The following RGS8 variants were observed in gnomAD, a reference collection of about 807,000 sequenced individuals.
RGS8 encodes regulator of G-protein signaling 8.
In RGS8, 8 loss-of-function variants were observed where a neutral mutation model predicts 21.7. That is an observed-to-expected ratio of 0.37 (90% confidence interval 0.22 to 0.66). The LOEUF (loss-of-function observed/expected upper bound fraction) is 0.66, where lower values mean the gene tolerates loss of function less well. Among genes scored for constraint, RGS8 ranks in the 30% least tolerant of loss-of-function variants. The pLI is 0.59. For missense variants in RGS8, 157 were observed against 217.9 expected (o/e 0.72, Z 1.76); for synonymous variants, 80 against 83.6 (o/e 0.96, Z 0.24).
At chr1:182,683,627 C>CAAA (rs397863359) in intron 1 of RGS8, among the ~76,000 whole-genome samples, 15 of 60,646 alleles carry the variant, frequency 2.5e-4, no homozygotes, top group East Asian at 1.2e-3. Flanking sequence ...TCCCAGTGCT[C>CAAA]AAAAAAAAAA....
At chr1:182,721,027 G>A in the RGS8 span, among the ~76,000 whole-genome samples, 31 of 82,052 alleles carry the variant, frequency 3.8e-4, 1 homozygote, top group East Asian at 1.1e-3. Context: ...ACATATATAT[G>A]TGTGTATATA....
upstream of RGS8, among the ~76,000 whole-genome samples, chr1:182,687,763 TAAG>T (rs1664739716): frequency 6.6e-6 from 1 of 152,214 alleles, no homozygotes; most frequent in Admixed American, 6.5e-5. Flanking sequence ...TAAATTGAAT[TAAG>T]AAGTTTGGCT....
chr1:182,710,685 G>A, the RGS8 span, among the ~76,000 whole-genome samples: 1 of 152,252 alleles, frequency 6.6e-6, no homozygotes, highest in East Asian at 1.9e-4. Flanking sequence ...CTTTAAATCT[G>A]CTGTTACCAC....
chr1:182,718,880 C>T, the RGS8 span, among the ~76,000 whole-genome samples: 10 of 152,176 alleles, frequency 6.6e-5, no homozygotes, highest in Non-Finnish European at 1.5e-4. Context: ...ACAAGTTAGA[C>T]AAACATATGT....
At chr1:182,707,387 T>G in the RGS8 span, among the ~76,000 whole-genome samples, 7 of 152,310 alleles carry the variant, frequency 4.6e-5, no homozygotes, top group African/African-American at 1.7e-4. Context: ...CTAAGAACAT[T>G]GGCCATTTGA....
upstream of RGS8, chr1:182,672,033 T>A: frequency 1.5e-6 from 1 of 653,364 alleles, no homozygotes. Context: ...TCAGCCTCAC[T>A]AACCTGAAGC....
the RGS8 span, among the ~76,000 whole-genome samples, chr1:182,719,139 C>T: frequency 6.6e-6 from 1 of 152,190 alleles, no homozygotes; most frequent in Non-Finnish European, 1.5e-5. Flanking sequence ...ATTCGGCCTT[C>T]TTAGTCCCAT....
At chr1:182,711,762 T>C in the RGS8 span, among the ~76,000 whole-genome samples, 2 of 152,174 alleles carry the variant, frequency 1.3e-5, no homozygotes, top group Admixed American at 6.5e-5. Context: ...AGATACTGGC[T>C]AAGTTCCAAA....
chr1:182,672,834 C>T (rs371027587), upstream of RGS8: 3 of 1,614,052 alleles, frequency 1.9e-6, no homozygotes, highest in African/African-American at 2.7e-5. Context: ...TGGGTCTTCA[C>T]ACTGCCTGCT....
chr1:182,741,884 C>T, the RGS8 span, among the ~76,000 whole-genome samples: 3 of 139,448 alleles, frequency 2.2e-5, no homozygotes, highest in African/African-American at 7.9e-5. Flanking sequence ...GGGGGGCTGA[C>T]CCCCCCACCT....
chr1:182,742,061 A>G, the RGS8 span, among the ~76,000 whole-genome samples: 4 of 145,208 alleles, frequency 2.8e-5, no homozygotes, highest in Non-Finnish European at 6.1e-5. Context: ...CACATCCCGG[A>G]CGGGGCGGCA....
At chr1:182,704,528 G>T in the RGS8 span, among the ~76,000 whole-genome samples, 4 of 152,172 alleles carry the variant, frequency 2.6e-5, no homozygotes, top group African/African-American at 9.7e-5. Flanking sequence ...AGGTAAGGGG[G>T]GGCATCTTGG....
the RGS8 span, among the ~76,000 whole-genome samples, chr1:182,724,809 C>T: frequency 2.0e-5 from 3 of 152,152 alleles, no homozygotes; most frequent in African/African-American, 2.4e-5. Context: ...CAACCCGCCT[C>T]GGCCTCCCAA....
intron 5 of RGS8, 75 bp downstream of exon 6, chr1:182,665,894 C>T (rs1263821964): frequency 1.5e-6 from 2 of 1,308,074 alleles, no homozygotes; most frequent in African/African-American, 1.5e-5. Flanking sequence ...CTGCCTGGAT[C>T]ATCACAGGCC....
chr1:182,688,235 T>C (rs568572053), upstream of RGS8, among the ~76,000 whole-genome samples: 1 of 152,358 alleles, frequency 6.6e-6, no homozygotes, highest in African/African-American at 2.4e-5. Context: ...AAATGAATTC[T>C]CCCAATAAAT....
the RGS8 span, among the ~76,000 whole-genome samples, chr1:182,718,756 T>C: frequency 6.6e-6 from 1 of 152,220 alleles, no homozygotes; most frequent in Non-Finnish European, 1.5e-5. Context: ...CTTCTCTTTA[T>C]AGTTTTAATT....
the RGS8 span, among the ~76,000 whole-genome samples, chr1:182,741,751 G>A: frequency 1.9e-5 from 2 of 107,956 alleles, no homozygotes; most frequent in Admixed American, 8.8e-5. Context: ...CTGGGCGGGG[G>A]GCTGACCCCC....
At chr1:182,723,806 A>G in the RGS8 span, among the ~76,000 whole-genome samples, 36 of 152,304 alleles carry the variant, frequency 2.4e-4, no homozygotes, top group South Asian at 5.6e-3. Context: ...TTCCAGATTA[A>G]ACTGTATTTT....
the RGS8 span, among the ~76,000 whole-genome samples, chr1:182,721,078 T>TATGTGTGTATATAC: frequency 9.2e-6 from 1 of 108,280 alleles, no homozygotes; most frequent in Non-Finnish European, 1.9e-5. Flanking sequence ...TATACATATA[T>TATGTGTGTATATAC]ACACATATAT....
Sources: gnomAD v4.1 joint callset for allele counts (sites outside exome capture counted in the v4.1 genomes callset) on GRCh38, gnomAD v4.1.1 for gene constraint, MANE v1.5 for transcripts, NCBI Gene and HGNC (gene_info 2026-07-23, HGNC 2026-07-21) for gene names.